The following ZNF208 variants were observed in gnomAD, a reference collection of about 807,000 sequenced individuals.
ZNF208 encodes zinc finger protein 95.
In ZNF208, 10 loss-of-function variants were observed where a neutral mutation model predicts 12.1. The ratio of observed to expected loss-of-function variants is 0.83; its 90% CI spans 0.51 to 1.40. The LOEUF (loss-of-function observed/expected upper bound fraction) is 1.40. Ranked by LOEUF, ZNF208 falls within the 40% of genes most tolerant of loss-of-function variation. The pLI, the probability that ZNF208 is intolerant of heterozygous loss-of-function variation, is 0.00. For synonymous variants in ZNF208, 497 were observed against 488.4 expected (o/e 1.02, Z -0.23); for missense variants, 1,652 against 1,485.0 (o/e 1.11, Z -1.85).
chr19:21,972,942 A>G lies in ZNF208; in HGVS notation c.2092T>C (p.Cys698Arg). The G allele has an allele frequency of 6.2e-7, 1 of 1,613,790 alleles. No homozygotes were observed. Among genetic ancestry groups the G allele is most frequent in the Non-Finnish European group, 8.5e-7 (1 of 1,179,926 alleles). The change falls in exon 4 of 4, where the codon TGT becomes CGT. Residue 698 changes from cysteine to arginine, a missense_variant. Around this residue, in one of 3 missense-constraint regions of ZNF208, gnomAD observed 1,239 missense variants for 1,086.2 expected, o/e 1.14. Coordinates refer to ENST00000397126, the MANE Select transcript of ZNF208 (RefSeq NM_007153.3). Reference protein sequence around the residue: ...TGEKPYKCEECGKAFNWSSNL... With the variant: ...TGEKPYKCEERGKAFNWSSNL... ...GAGGACCAGTTGAAAGCTTTGCCAC[A>G]TTCTTCACATTTGTAGGGTTTCTCT...
chr19:22,004,950 A>G (rs2090453997), intron 1 of ZNF208, among the ~76,000 whole-genome samples: 1 of 152,178 alleles, frequency 6.6e-6, no homozygotes. Context: ...CCTGGGTTGG[A>G]GAGAGTGCAA....
chr19:21,992,049 G>C (rs1970748416), intron 1 of ZNF208, among the ~76,000 whole-genome samples: 1 of 152,036 alleles, frequency 6.6e-6, no homozygotes, highest in African/African-American at 2.4e-5. Flanking sequence ...TGTAAACAAA[G>C]ATGAGAGGTT....
intron 3 of ZNF208, among the ~76,000 whole-genome samples, chr19:21,982,231 G>T (rs552528498): frequency 1.3e-5 from 2 of 151,678 alleles, no homozygotes; most frequent in Non-Finnish European, 2.9e-5. Context: ...GGTGGCAGGC[G>T]CCTGTAGTCC....
chr19:22,002,912 C>G (rs1310405501), intron 1 of ZNF208, among the ~76,000 whole-genome samples: 32 of 152,072 alleles, frequency 2.1e-4, no homozygotes, highest in South Asian at 4.1e-4. Flanking sequence ...GCAAAAACAA[C>G]AAAGCTGAAG....
downstream of ZNF208, among the ~76,000 whole-genome samples, chr19:21,961,455 C>T (rs568771304): frequency 3.9e-5 from 6 of 152,118 alleles, no homozygotes; most frequent in Non-Finnish European, 8.8e-5. Flanking sequence ...TGATGAGGGT[C>T]TATGTTCAGC....
In ZNF208 at chr19:21,974,584, A is replaced by G. The variant is rs182245809; in HGVS notation, c.450T>C (p.Tyr150=). The change falls in exon 4 of 4, where the codon TAT becomes TAC. Residue 150 remains tyrosine (Y), a synonymous_variant. Coordinates refer to ENST00000397126, the MANE Select transcript of ZNF208 (RefSeq NM_007153.3). ...TQSKVFQRGK[Y]ANVFHKCSNS... ...TTGAACATTTATGAAAGACATTTGCATATTTGCCACGTTGAAATACTTTGC... is the reference window on the plus strand; with the variant it reads ...TTGAACATTTATGAAAGACATTTGCGTATTTGCCACGTTGAAATACTTTGC... 1.2e-5 allele frequency: 19 copies of G among 1,613,718 alleles called. No individual in the cohort carries two copies. The East Asian group carries it at 2.7e-4, about 23-fold the overall frequency.
intron 4 of ZNF208, chr19:21,941,106 T>C (rs1969732845): frequency 2.8e-6 from 1 of 359,688 alleles, no homozygotes; most frequent in Non-Finnish European, 4.9e-6. Flanking sequence ...AACCAGGCCT[T>C]GCTGACAAAT....
intron 4 of ZNF208, among the ~76,000 whole-genome samples, chr19:21,944,279 C>T (rs1969785056): frequency 6.6e-6 from 1 of 152,048 alleles, no homozygotes; most frequent in Non-Finnish European, 1.5e-5. Flanking sequence ...ATATTTGGCT[C>T]CCCAAATGAA....
At chr19:21,977,265 A>G (rs952092899) in intron 3 of ZNF208, among the ~76,000 whole-genome samples, 1 of 152,238 alleles carries the variant, frequency 6.6e-6, no homozygotes, top group African/African-American at 2.4e-5. Context: ...TGTAATAAAA[A>G]TCAAAATAGA....
Position 21,989,077 on chromosome 19 carries a change from TC to T in ZNF208, c.4-169del, listed in dbSNP as rs569923602. Among the ~76,000 whole-genome samples, 736 of 146,360 alleles carry T rather than the reference TC, an allele frequency of 5.0e-3. 2 individuals carry two copies. Among genetic ancestry groups the T allele is most frequent in the Non-Finnish European group, 8.3e-3 (549 of 66,212 alleles). On this transcript the variant is annotated intron_variant, in intron 1 of 3. Coordinates refer to ENST00000397126, the MANE Select transcript of ZNF208 (RefSeq NM_007153.3). The stretch of plus-strand genomic sequence containing the variant: ...CAAATATTCTCTAACATATTCTCTC[TC>T]TTTTTTCTTTTTTTAATTATTATTA...
At chr19:21,959,233 T>C (rs1335286975) in intron 4 of ZNF208, among the ~76,000 whole-genome samples, 4 of 152,170 alleles carry the variant, frequency 2.6e-5, no homozygotes, top group Non-Finnish European at 4.4e-5. Context: ...AAGTGATGAA[T>C]ACAGCAACAT....
chr19:21,952,386 C>T (rs1969903219), intron 4 of ZNF208, among the ~76,000 whole-genome samples: 1 of 152,234 alleles, frequency 6.6e-6, no homozygotes, highest in Non-Finnish European at 1.5e-5. Context: ...AACTGGGAGA[C>T]ACCTCCCAGT....
chr19:21,955,886 G>A (rs1184828398), intron 4 of ZNF208, among the ~76,000 whole-genome samples: 1 of 152,202 alleles, frequency 6.6e-6, no homozygotes, highest in East Asian at 1.9e-4. Context: ...GTGAGGAACT[G>A]CATTCCTTTG....
chr19:22,001,449 T>C (rs1306257681), intron 1 of ZNF208, among the ~76,000 whole-genome samples: 1 of 152,228 alleles, frequency 6.6e-6, no homozygotes, highest in Non-Finnish European at 1.5e-5. Context: ...ATATTATTTT[T>C]ACTAGAACAA....
At chr19:21,994,212 T>C (rs993737168) in intron 1 of ZNF208, among the ~76,000 whole-genome samples, 1 of 152,240 alleles carries the variant, frequency 6.6e-6, no homozygotes, top group Non-Finnish European at 1.5e-5. Context: ...AATCAACTAC[T>C]AGATCTGGAG....
intron 3 of ZNF208, among the ~76,000 whole-genome samples, chr19:21,984,347 G>A (rs1046241490): frequency 6.6e-6 from 1 of 152,154 alleles, no homozygotes; most frequent in African/African-American, 2.4e-5. Flanking sequence ...AAGGTCAGGA[G>A]ATCAAGACCA....
At chr19:21,944,970 A>G (rs565416838) in intron 4 of ZNF208, among the ~76,000 whole-genome samples, 3 of 152,330 alleles carry the variant, frequency 2.0e-5, no homozygotes, top group Admixed American at 6.5e-5. Flanking sequence ...TCTCCAATAG[A>G]GAAACTCCCC....
intron 1 of ZNF208, among the ~76,000 whole-genome samples, chr19:22,002,718 A>C (rs1273694301): frequency 9.2e-5 from 14 of 152,198 alleles, no homozygotes; most frequent in Admixed American, 9.2e-4. Flanking sequence ...AATGGAAAGC[A>C]ACTTTATGCT....
In ZNF208 at chr19:21,972,240, A is replaced by G. The variant is rs1599614057; in HGVS notation, c.2794T>C (p.Phe932Leu). ...CGKAFSWLSV[F>L]SKHKKTHAGE... Reference sequence around the variant, plus strand: ...GCATGAGTTTTCTTATGTTTACTAAAGACTGACAACCAGCTGAAGGCTTTG... The same window carrying G: ...GCATGAGTTTTCTTATGTTTACTAAGGACTGACAACCAGCTGAAGGCTTTG... Residue 932 changes from phenylalanine to leucine, a missense_variant, in exon 4 of 4, where the codon TTT becomes CTT. This residue lies in a region of ZNF208 where 1,239 missense variants were observed against 1,086.2 expected (regional missense o/e 1.14). Transcript: ENST00000397126. 6.2e-7 allele frequency: 1 copy of G among 1,600,910 alleles called. No homozygotes were observed. Among genetic ancestry groups the G allele is most frequent in the Non-Finnish European group, 8.5e-7 (1 of 1,175,554 alleles).
Sources: gnomAD v4.1 joint callset for allele counts (sites outside exome capture counted in the v4.1 genomes callset) on GRCh38, gnomAD v4.1.1 for gene constraint, gnomAD v4.1.1 regional missense constraint, MANE v1.5 for transcripts, NCBI Gene and HGNC (gene_info 2026-07-23, HGNC 2026-07-21) for gene names.